ESRRG: variants seen among roughly 807,000 people sequenced by gnomAD.
ESRRG encodes estrogen-related receptor gamma.
ESRRG carries 13 observed loss-of-function variants against 44.0 expected under a neutral mutation model. The ratio of observed to expected loss-of-function variants is 0.30; its 90% CI spans 0.19 to 0.47. The LOEUF (loss-of-function observed/expected upper bound fraction) is 0.47. ESRRG is among the 20% of genes least tolerant of loss of function. The pLI is 1.00. For synonymous variants in ESRRG, 215 were observed against 214.6 expected, an observed-to-expected ratio of 1.00 and a Z score of -0.02; for missense variants, 395 against 580.6, an observed-to-expected ratio of 0.68 and a Z score of 3.29.
At chr1:216,797,067 T>C (rs1340469715) in intron 2 of ESRRG, among the ~76,000 whole-genome samples, 1 of 151,960 alleles carries the variant, frequency 6.6e-6, no homozygotes, top group Non-Finnish European at 1.5e-5. Flanking sequence ...AATTTTTGTA[T>C]TTTTAGTAGA....
Position 217,115,231 on chromosome 1 carries a change from T to A in ESRRG, c.-230+22436A>T, listed in dbSNP as rs370048897. Among the ~76,000 whole-genome samples, 22 of 152,316 alleles carry A rather than the reference T, an allele frequency of 1.4e-4. No homozygotes were observed. The South Asian group carries it at 2.1e-3, about 14-fold the overall frequency. ...AGTCTCCTCTCCCAGACTGAATAAC[T>A]TGGGGAAAATATATTTATCTTTCTT... is the stretch of plus-strand genomic sequence containing the variant. On this transcript the variant is annotated intron_variant, in intron 1 of 8. Transcript: ENST00000366940.
chr1:216,767,622 C>T (rs939968130), intron 2 of ESRRG, among the ~76,000 whole-genome samples: 1 of 152,164 alleles, frequency 6.6e-6, no homozygotes, highest in African/African-American at 2.4e-5. Flanking sequence ...CAGTGCAAAG[C>T]AGATAACTGA....
chr1:217,060,249 G>T (rs936614044), intron 1 of ESRRG, among the ~76,000 whole-genome samples: 1 of 152,040 alleles, frequency 6.6e-6, no homozygotes, highest in Non-Finnish European at 1.5e-5. Flanking sequence ...AAAAGACTAT[G>T]AGTTTCTCAC....
intron 1 of ESRRG, among the ~76,000 whole-genome samples, chr1:216,696,970 C>CTT (rs397958205): frequency 6.9e-5 from 10 of 144,814 alleles, no homozygotes; most frequent in African/African-American, 2.3e-4. Flanking sequence ...AATAAAATAT[C>CTT]TTTTTTTTTT....
Position 216,628,708 on chromosome 1 carries a change from T to C in ESRRG, c.589+22265A>G, listed in dbSNP as rs146368791. 1.7e-3 allele frequency among the ~76,000 whole-genome samples: 255 copies of C among 152,296 alleles called. 7 individuals are homozygous for C. The East Asian group carries it at 0.037, about 22-fold the overall frequency. ...TCATTCCCTGAAGTTGTAGCCATAGTGTTCCTACTAAAACATAAATCTAAT... is the reference window on the plus strand; with the variant it reads ...TCATTCCCTGAAGTTGTAGCCATAGCGTTCCTACTAAAACATAAATCTAAT... On this transcript the variant is annotated intron_variant, in intron 3 of 6. Transcript: ENST00000408911.
At chr1:217,015,731 A>AATTTTTTTTTTTTTTT (rs759911532) in intron 1 of ESRRG, among the ~76,000 whole-genome samples, 1 of 142,116 alleles carries the variant, frequency 7.0e-6, no homozygotes, top group Admixed American at 7.1e-5. Context: ...GGGCAGCTAG[A>AATTTTTTTTTTTTTTT]TTTTTTTTTT....
At chr1:216,939,116 G>C (rs778297996) in intron 2 of ESRRG, among the ~76,000 whole-genome samples, 1 of 151,924 alleles carries the variant, frequency 6.6e-6, no homozygotes, top group Non-Finnish European at 1.5e-5. Flanking sequence ...GAAAGAGAAG[G>C]ATCCCTATCT....
intron 3 of ESRRG, among the ~76,000 whole-genome samples, chr1:216,571,693 C>A (rs1344377684): frequency 6.6e-6 from 1 of 152,098 alleles, no homozygotes; most frequent in Non-Finnish European, 1.5e-5. Flanking sequence ...TCTATCCATT[C>A]ATTTATCCTA....
At chr1:216,581,527 C>T (rs1003292079) in intron 3 of ESRRG, among the ~76,000 whole-genome samples, 1 of 152,040 alleles carries the variant, frequency 6.6e-6, no homozygotes, top group Non-Finnish European at 1.5e-5. Flanking sequence ...CCAAAAGAAC[C>T]CATGTTCTAT....
intron 1 of ESRRG, among the ~76,000 whole-genome samples, chr1:217,109,229 A>G (rs978868981): frequency 6.6e-6 from 1 of 152,186 alleles, no homozygotes; most frequent in Non-Finnish European, 1.5e-5. Context: ...AGTGAAGAGA[A>G]TATTCTAAGG....
At chr1:216,729,530 G>T (rs2088274195) in intron 2 of ESRRG, among the ~76,000 whole-genome samples, 1 of 152,236 alleles carries the variant, frequency 6.6e-6, no homozygotes, top group Admixed American at 6.5e-5. Context: ...ATTATGAATT[G>T]CTTGCCATAC....
chr1:216,818,433 A>G (rs935567270), intron 2 of ESRRG, among the ~76,000 whole-genome samples: 2 of 152,152 alleles, frequency 1.3e-5, no homozygotes, highest in Non-Finnish European at 2.9e-5. Context: ...CTGGTTTGGC[A>G]TGGGCACTTC....
chr1:216,685,231 G>A (rs1014857866), intron 1 of ESRRG, among the ~76,000 whole-genome samples: 4 of 149,412 alleles, frequency 2.7e-5, no homozygotes, highest in African/African-American at 9.8e-5. Context: ...AAAACAAAAG[G>A]TTTCTATGAG....
At chr1:216,629,512 T>A (rs2063750218) in intron 3 of ESRRG, among the ~76,000 whole-genome samples, 1 of 152,180 alleles carries the variant, frequency 6.6e-6, no homozygotes, top group Non-Finnish European at 1.5e-5. Flanking sequence ...TTAACTCCAA[T>A]ATCTAAGTCA....
At chr1:216,959,834 T>C (rs1382217389) in intron 1 of ESRRG, 1 of 152,126 alleles carries the variant, frequency 6.6e-6, no homozygotes, top group Non-Finnish European at 1.5e-5. Context: ...TCTGTACATA[T>C]ACATGTATAG....
intron 3 of ESRRG, among the ~76,000 whole-genome samples, chr1:216,638,802 G>T (rs2065815398): frequency 6.6e-6 from 1 of 152,176 alleles, no homozygotes; most frequent in African/African-American, 2.4e-5. Flanking sequence ...TTTGGAGATA[G>T]ACTTACAATG....
At chr1:216,886,381 G>A (rs1395924029) in intron 2 of ESRRG, among the ~76,000 whole-genome samples, 3 of 152,188 alleles carry the variant, frequency 2.0e-5, no homozygotes, top group East Asian at 1.9e-4. Context: ...GTGAGGTGAT[G>A]TTCATTTAAA....
At chr1:216,643,159 C>A (rs560041131) in intron 3 of ESRRG, among the ~76,000 whole-genome samples, 4 of 152,268 alleles carry the variant, frequency 2.6e-5, no homozygotes, top group East Asian at 1.9e-4. Context: ...TTCTTTATAT[C>A]CTGGAGGCTC....
chr1:216,666,827 TA>T (rs2074035207), intron 2 of ESRRG, among the ~76,000 whole-genome samples: 1 of 152,158 alleles, frequency 6.6e-6, no homozygotes, highest in East Asian at 1.9e-4. Context: ...TGAAGTCCCT[TA>T]GACTGGAACA....
Sources: gnomAD v4.1 joint callset for allele counts (sites outside exome capture counted in the v4.1 genomes callset) on GRCh38, gnomAD v4.1.1 for gene constraint, MANE v1.5 for transcripts, NCBI Gene and HGNC (gene_info 2026-07-23, HGNC 2026-07-21) for gene names.